RALYL: variants seen among roughly 807,000 people sequenced by gnomAD.
RALYL encodes RALY RNA binding protein like.
A neutral mutation model predicts 35.1 loss-of-function variants in RALYL; 29 were observed. The ratio of observed to expected loss-of-function variants is 0.83; its 90% confidence interval spans 0.61 to 1.13. The LOEUF (loss-of-function observed/expected upper bound fraction) is 1.13, where lower values mean the gene tolerates loss of function less well. RALYL is among the 50% of genes most tolerant of loss of function. RALYL has a pLI of 0.00. For synonymous variants in RALYL, 120 were observed against 127.6 expected, an observed-to-expected ratio of 0.94 and a Z score of 0.40; for missense variants, 359 against 360.4, an observed-to-expected ratio of 1.00 and a Z score of 0.03.
chr8:84,889,522 A>G (rs1843465553), intron 8 of RALYL, among the ~76,000 whole-genome samples: 1 of 152,104 alleles, frequency 6.6e-6, no homozygotes, highest in Non-Finnish European at 1.5e-5. Flanking sequence ...TGGGTAGCTC[A>G]GGGTTTTGTC....
chr8:84,812,570 T>C (rs1826160647), intron 4 of RALYL, among the ~76,000 whole-genome samples: 1 of 152,154 alleles, frequency 6.6e-6, no homozygotes. Context: ...GCTAGGCATG[T>C]CCGAGCTCAG....
At chr8:84,417,052 C>CTTA (rs1413968738) in intron 1 of RALYL, among the ~76,000 whole-genome samples, 1 of 150,364 alleles carries the variant, frequency 6.7e-6, no homozygotes, top group Admixed American at 6.6e-5. Flanking sequence ...GAATGTCTAC[C>CTTA]TTATGCATGG....
intron 8 of RALYL, chr8:84,906,800 T>C (rs1021711120): frequency 1.0e-5 from 2 of 196,372 alleles, no homozygotes; most frequent in African/African-American, 4.7e-5. Context: ...TGCACCTTTG[T>C]CACCCACCAG....
intron 2 of RALYL, among the ~76,000 whole-genome samples, chr8:84,641,028 G>T (rs1261618974): frequency 6.6e-5 from 10 of 151,456 alleles, no homozygotes; most frequent in Non-Finnish European, 1.3e-4. Context: ...TTTCTGACTT[G>T]TATTACATTT....
chr8:84,725,412 A>G (rs1844759763), intron 2 of RALYL, among the ~76,000 whole-genome samples: 1 of 151,774 alleles, frequency 6.6e-6, no homozygotes, highest in Admixed American at 6.6e-5. Context: ...TTACCAAGGA[A>G]AAAGGAATGT....
At chr8:84,769,949 T>G (rs1245790891) in intron 2 of RALYL, among the ~76,000 whole-genome samples, 1 of 152,178 alleles carries the variant, frequency 6.6e-6, no homozygotes, top group Non-Finnish European at 1.5e-5. Context: ...ACTATTAACT[T>G]TAATGTCTTC....
chr8:84,247,248 C>T (rs1488136373), intron 1 of RALYL, among the ~76,000 whole-genome samples: 2 of 152,104 alleles, frequency 1.3e-5, no homozygotes, highest in Non-Finnish European at 2.9e-5. Context: ...ATATCCCATG[C>T]CATTCAAGTA....
At chr8:84,544,143 C>T (rs945825925) in intron 2 of RALYL, among the ~76,000 whole-genome samples, 7 of 151,892 alleles carry the variant, frequency 4.6e-5, no homozygotes, top group South Asian at 2.1e-4. Context: ...GAGTGGTTCT[C>T]CTCTGTGAGG....
chr8:84,361,668 C>T (rs1745584358), intron 1 of RALYL, among the ~76,000 whole-genome samples: 1 of 152,064 alleles, frequency 6.6e-6, no homozygotes, highest in African/African-American at 2.4e-5. Flanking sequence ...GTCATACACA[C>T]AAGGCCAAAT....
intron 2 of RALYL, among the ~76,000 whole-genome samples, chr8:84,577,245 C>T (rs1809681183): frequency 6.6e-6 from 1 of 152,170 alleles, no homozygotes; most frequent in Non-Finnish European, 1.5e-5. Context: ...ACATATTTTG[C>T]AAGGTACATT....
intron 2 of RALYL, among the ~76,000 whole-genome samples, chr8:84,762,339 G>A (rs1288300948): frequency 1.3e-5 from 2 of 152,058 alleles, no homozygotes. Context: ...CTTTGGTGAA[G>A]GATCTTAGAT....
At chr8:84,569,392 G>C (rs781264454) in intron 2 of RALYL, among the ~76,000 whole-genome samples, 1 of 151,916 alleles carries the variant, frequency 6.6e-6, no homozygotes, top group Non-Finnish European at 1.5e-5. Context: ...ACCCTGTTCT[G>C]TCCCATTGAT....
intron 1 of RALYL, among the ~76,000 whole-genome samples, chr8:84,385,658 T>A (rs1032016951): frequency 1.3e-5 from 2 of 151,892 alleles, no homozygotes; most frequent in African/African-American, 4.8e-5. Context: ...ATTGACTCTC[T>A]TTGTCTCAGA....
chr8:84,475,931 C>T (rs1332575770), intron 1 of RALYL, among the ~76,000 whole-genome samples: 1 of 152,074 alleles, frequency 6.6e-6, no homozygotes, highest in African/African-American at 2.4e-5. Context: ...ATTAATGTTG[C>T]TAAATGATAT....
intron 2 of RALYL, among the ~76,000 whole-genome samples, chr8:84,732,729 C>T (rs1296687710): frequency 2.2e-5 from 3 of 139,300 alleles, no homozygotes; most frequent in Non-Finnish European, 4.7e-5. Flanking sequence ...TGGAGTCTTG[C>T]TCTGTCACCC....
chr8:84,295,493 T>C (rs1261575067), intron 1 of RALYL, among the ~76,000 whole-genome samples: 9 of 152,020 alleles, frequency 5.9e-5, no homozygotes, highest in Non-Finnish European at 1.3e-4. Flanking sequence ...AGAGATGGAG[T>C]CTTGCTATGT....
At chr8:84,612,895 T>A (rs1818629215) in intron 2 of RALYL, among the ~76,000 whole-genome samples, 1 of 151,702 alleles carries the variant, frequency 6.6e-6, no homozygotes, top group Non-Finnish European at 1.5e-5. Context: ...AAATCACCAC[T>A]GCATGTAAAT....
chr8:84,814,664 T>C (rs1826754560), intron 4 of RALYL, among the ~76,000 whole-genome samples: 1 of 152,158 alleles, frequency 6.6e-6, no homozygotes, highest in African/African-American at 2.4e-5. Context: ...AAGAAGTTAT[T>C]TCCTTACTGA....
At chr8:84,545,116 A>T (rs888230952) in intron 2 of RALYL, among the ~76,000 whole-genome samples, 1 of 152,110 alleles carries the variant, frequency 6.6e-6, no homozygotes, top group African/African-American at 2.4e-5. Flanking sequence ...ATGCAATATA[A>T]GAAATTGATC....
Sources: gnomAD v4.1 joint callset for allele counts (sites outside exome capture counted in the v4.1 genomes callset) on GRCh38, gnomAD v4.1.1 for gene constraint, MANE v1.5 for transcripts, NCBI Gene and HGNC (gene_info 2026-07-23, HGNC 2026-07-21) for gene names.